The following ZNF277 variants were observed in gnomAD, a reference collection of about 807,000 sequenced individuals.
ZNF277 encodes zinc finger protein 277, also known as nuclear receptor-interacting factor 4.
In ZNF277, 55 loss-of-function variants were observed where a neutral mutation model predicts 60.7. The observed-to-expected ratio is 0.91, with a 90% CI of 0.73 to 1.13. The LOEUF (loss-of-function observed/expected upper bound fraction) is 1.13. ZNF277 is among the 50% of genes most tolerant of loss of function. ZNF277 has a pLI of 0.00. For missense variants in ZNF277, 510 were observed against 523.0 expected (o/e 0.98, Z 0.24); for synonymous variants, 178 against 179.3 (o/e 0.99, Z 0.06).
intron 7 of ZNF277, among the ~76,000 whole-genome samples, chr7:112,332,069 G>A (rs1184504434): frequency 6.6e-6 from 1 of 152,194 alleles, no homozygotes; most frequent in Admixed American, 6.5e-5. Context: ...GCCATCTCTG[G>A]ATGAGCATGG....
At chr7:112,252,512 G>T (rs1386552569) in intron 1 of ZNF277, among the ~76,000 whole-genome samples, 7 of 152,078 alleles carry the variant, frequency 4.6e-5, no homozygotes, top group Non-Finnish European at 7.4e-5. Context: ...TGGCTAAAAG[G>T]TACTTTATAC....
chr7:112,235,267 C>T (rs1822456869), intron 1 of ZNF277, among the ~76,000 whole-genome samples: 1 of 151,926 alleles, frequency 6.6e-6, no homozygotes, highest in African/African-American at 2.4e-5. Flanking sequence ...CATGTTTTCA[C>T]TTCTCTTGGA....
intron 1 of ZNF277, among the ~76,000 whole-genome samples, chr7:112,248,341 G>C (rs1169175981): frequency 1.3e-5 from 2 of 151,372 alleles, no homozygotes; most frequent in Non-Finnish European, 2.9e-5. Flanking sequence ...TATTTGGTTG[G>C]TTTTATTTTT....
chr7:112,273,427 G>A (rs1482449610), intron 1 of ZNF277, among the ~76,000 whole-genome samples: 2 of 152,174 alleles, frequency 1.3e-5, no homozygotes, highest in African/African-American at 4.8e-5. Flanking sequence ...CACTGCTGGG[G>A]GATGGGGGAA....
chr7:112,283,476 T>C (rs1458619737), intron 1 of ZNF277, among the ~76,000 whole-genome samples: 1 of 152,180 alleles, frequency 6.6e-6, no homozygotes, highest in Non-Finnish European at 1.5e-5. Context: ...TGAGCTGAGA[T>C]TGTGCCCCTG....
intron 1 of ZNF277, among the ~76,000 whole-genome samples, chr7:112,211,058 T>C (rs980022042): frequency 2.6e-5 from 4 of 152,062 alleles, no homozygotes; most frequent in African/African-American, 9.7e-5. Context: ...TCCGAATGGG[T>C]GTTTAGTAGT....
intron 4 of ZNF277, among the ~76,000 whole-genome samples, chr7:112,313,016 T>G (rs1792766233): frequency 6.6e-6 from 1 of 152,072 alleles, no homozygotes; most frequent in African/African-American, 2.4e-5. Context: ...TTTTAAGAAA[T>G]TTACAAGGCA....
chr7:112,341,165 C>A, intron 11 of ZNF277, 119 bp downstream of exon 11: 1 of 931,614 alleles, frequency 1.1e-6, no homozygotes, highest in Non-Finnish European at 1.5e-6. Flanking sequence ...AAAAAGTATA[C>A]ATCAGTACAG....
intron 4 of ZNF277, among the ~76,000 whole-genome samples, chr7:112,309,916 C>T (rs955848542): frequency 6.6e-6 from 1 of 151,990 alleles, no homozygotes; most frequent in African/African-American, 2.4e-5. Context: ...AACAGAGAGA[C>T]GCATAGGATG....
At position 112,341,085 on chromosome 7, in the gene ZNF277, A is replaced by C. The variant is rs79403317; in HGVS notation, c.1184+39A>C. 7,171 of 1,515,282 alleles carry C rather than the reference A, an allele frequency of 4.7e-3. 280 individuals carry two copies. In the African/African-American group the frequency reaches 0.089, roughly 19 times the overall value. 93.9% of individuals were successfully genotyped at this position (1,515,282 alleles called of 1,614,324 possible). ...AACCAAATGTGCACTTCTTACTCCA[A>C]CTCTTTGATTTTGTCCCTTTATTTA... On this transcript the variant is annotated intron_variant, in intron 11 of 11. Transcript: ENST00000361822.
chr7:112,214,158 C>A (rs1301114486), intron 1 of ZNF277, among the ~76,000 whole-genome samples: 1 of 152,154 alleles, frequency 6.6e-6, no homozygotes, highest in African/African-American at 2.4e-5. Context: ...TAGTGCTGCC[C>A]TTTACAATAC....
At chr7:112,252,238 A>G (rs1162792466) in intron 1 of ZNF277, among the ~76,000 whole-genome samples, 1 of 152,244 alleles carries the variant, frequency 6.6e-6, no homozygotes, top group Non-Finnish European at 1.5e-5. Flanking sequence ...TTTGGATTAC[A>G]ACTACATTTG....
intron 4 of ZNF277, among the ~76,000 whole-genome samples, chr7:112,300,839 A>G (rs567367784): frequency 6.6e-6 from 1 of 152,220 alleles, no homozygotes; most frequent in East Asian, 1.9e-4. Flanking sequence ...CTCTAGAAGC[A>G]TATTTAATTG....
chr7:112,259,012 C>A (rs1363307999), intron 1 of ZNF277, among the ~76,000 whole-genome samples: 1 of 151,996 alleles, frequency 6.6e-6, no homozygotes, highest in Non-Finnish European at 1.5e-5. Context: ...CCCTGATACC[C>A]ATGTCACTTT....
chr7:112,283,841 T>G (rs2117056871), intron 1 of ZNF277, among the ~76,000 whole-genome samples: 1 of 152,324 alleles, frequency 6.6e-6, no homozygotes, highest in South Asian at 2.1e-4. Flanking sequence ...GGGCTACTGA[T>G]ATTTGCATAA....
chr7:112,232,258 G>C (rs1822360331), intron 1 of ZNF277, among the ~76,000 whole-genome samples: 1 of 151,926 alleles, frequency 6.6e-6, no homozygotes, highest in Non-Finnish European at 1.5e-5. Context: ...TGAATTGCAA[G>C]GAAAAGAAGC....
At chr7:112,209,950 G>C (rs1022326130) in intron 1 of ZNF277, among the ~76,000 whole-genome samples, 1 of 152,066 alleles carries the variant, frequency 6.6e-6, no homozygotes, top group Non-Finnish European at 1.5e-5. Flanking sequence ...TGAACAATGA[G>C]AACACTTGGA....
At chr7:112,231,456 A>G (rs967416319) in intron 1 of ZNF277, among the ~76,000 whole-genome samples, 6 of 152,094 alleles carry the variant, frequency 3.9e-5, no homozygotes, top group African/African-American at 1.4e-4. Flanking sequence ...AATTTTGGAG[A>G]TACTTAGTCT....
At chr7:112,269,402 A>G (rs1476627777) in intron 1 of ZNF277, among the ~76,000 whole-genome samples, 1 of 152,058 alleles carries the variant, frequency 6.6e-6, no homozygotes, top group African/African-American at 2.4e-5. Context: ...TTTGGGGGGA[A>G]TAAATTATTC....
Sources: allele counts gnomAD v4.1 joint callset (sites outside exome capture counted in the v4.1 genomes callset), GRCh38; gene constraint gnomAD v4.1.1; transcripts MANE v1.5; gene names NCBI Gene and HGNC (gene_info 2026-07-23, HGNC 2026-07-21).